PDGFRB: variants seen among roughly 807,000 people sequenced by gnomAD.
The protein encoded by PDGFRB is platelet-derived growth factor receptor beta.
A neutral mutation model predicts 120.2 loss-of-function variants in PDGFRB; 42 were observed. The observed-to-expected ratio is 0.35, with a 90% CI of 0.27 to 0.45. The LOEUF (loss-of-function observed/expected upper bound fraction) is 0.45. Ranked by LOEUF, PDGFRB falls within the 20% of genes least tolerant of loss-of-function variation. The probability of loss-of-function intolerance (pLI) is 1.00; values close to 1 mark genes in which losing one functional copy is unlikely to be tolerated. For missense variants in PDGFRB, 1,149 were observed against 1,476.3 expected (o/e 0.78, Z 3.63); for synonymous variants, 586 against 606.8 (o/e 0.97, Z 0.50).
Position 150,130,633 on chromosome 5 carries a change from T to A in PDGFRB, c.1273A>T (p.Ser425Cys). ...VPVRVLELSE[S>C]HPDSGEQTVR... Reference sequence around the variant, plus strand: ...GTCTGTTCCCCACTGTCAGGGTGGCTCTCACTTAGCTCCAGCACTCGGACA... The same window carrying A: ...GTCTGTTCCCCACTGTCAGGGTGGCACTCACTTAGCTCCAGCACTCGGACA... Residue 425 changes from serine (S) to cysteine (C), a missense_variant, in exon 9 of 23, where the codon AGC (serine) becomes TGC (cysteine). Ser to Cys is a moderately radical substitution (Grantham distance 112, BLOSUM62 -1). Transcript: ENST00000261799. 1 of 1,613,002 alleles carries A rather than the reference T, an allele frequency of 6.2e-7. No homozygotes were observed. Among genetic ancestry groups the A allele is most frequent in the South Asian group, 1.1e-5 (1 of 91,026 alleles).
At chr5:150,139,835 C>T (rs999258722) in intron 1 of PDGFRB, among the ~76,000 whole-genome samples, 1 of 152,112 alleles carries the variant, frequency 6.6e-6, no homozygotes, top group Non-Finnish European at 1.5e-5. Context: ...CAAAAATTAG[C>T]TGGACATGGT....
intron 22 of PDGFRB, 45 bp downstream of exon 22, chr5:150,117,570 ACAC>A: frequency 9.8e-7 from 1 of 1,024,514 alleles, no homozygotes; most frequent in South Asian, 1.3e-5. Flanking sequence ...ACACACACAC[ACAC>A]ACACACTGTG....
At chr5:150,144,415 A>G (rs1304018329) in intron 1 of PDGFRB, among the ~76,000 whole-genome samples, 1 of 151,904 alleles carries the variant, frequency 6.6e-6, no homozygotes, top group Admixed American at 6.5e-5. Context: ...CCAGGCCCTC[A>G]CACTCGTCAC....
chr5:150,127,848 A>AAAAC (rs1421443139), intron 10 of PDGFRB, among the ~76,000 whole-genome samples: 1 of 150,026 alleles, frequency 6.7e-6, no homozygotes, highest in East Asian at 2.0e-4. Context: ...AAAAAAAAAA[A>AAAAC]AAAAAAAAAA....
At chr5:150,151,861 C>CAAA (rs57873398) in intron 1 of PDGFRB, among the ~76,000 whole-genome samples, 2 of 74,384 alleles carry the variant, frequency 2.7e-5, no homozygotes, top group African/African-American at 4.1e-5. Context: ...GACTCCATCT[C>CAAA]AAAAAAAAAA....
intron 1 of PDGFRB, chr5:150,137,546 A>C (rs1489341096): frequency 6.3e-6 from 1 of 157,612 alleles, no homozygotes; most frequent in Non-Finnish European, 1.4e-5. Context: ...CCACAAGCAC[A>C]ACAGGAAATG....
chr5:150,124,787 T>C lies in PDGFRB; in HGVS notation c.1852A>G (p.Thr618Ala), dbSNP rs1378675204. Residue 618 changes from threonine to alanine, a missense_variant, in exon 13 of 23, where the codon ACG (threonine) becomes GCG (alanine). Physicochemically the swap from Thr to Ala is moderately conservative, Grantham distance 58 (BLOSUM62 0). This residue lies in a region of PDGFRB where 879 missense variants were observed against 1,108.6 expected (regional missense o/e 0.79). Coordinates refer to ENST00000261799, the MANE Select transcript of PDGFRB (RefSeq NM_002609.4). The part of the protein sequence containing the change: ...SGAFGQVVEA[T>A]AHGLSHSQAT... ...TGAGAATGGCTCAGGCCATGAGCCG[T>C]GGCCTCCACCACCTGCCCAAAGGCC... is the stretch of plus-strand genomic sequence containing the variant. The C allele has an allele frequency of 1.2e-6, 2 of 1,610,422 alleles. No individual in the cohort carries two copies. Among genetic ancestry groups the C allele is most frequent in the Non-Finnish European group, 1.7e-6 (2 of 1,177,776 alleles).
chr5:150,136,332 C>T (rs1019077027), intron 2 of PDGFRB, among the ~76,000 whole-genome samples: 6 of 152,288 alleles, frequency 3.9e-5, no homozygotes, highest in East Asian at 3.9e-4. Flanking sequence ...GCTTAGGTAG[C>T]TCAGAGGGGG....
rs2113883671 is a variant in PDGFRB at position 150,117,686 on chromosome 5, G to T, written c.3069C>A (p.Ile1023=). ...CCTCGGGTTTGGGGTCAGGCAGGGG[G>T]ATGATATAGTCGTTGTCACCCTCAT... is the stretch of plus-strand genomic sequence containing the variant. ...QPNEGDNDYI[I]PLPDPKPEVA... is the part of the protein sequence containing the mutation. The change falls in exon 22 of 23, where the codon ATC becomes ATA. Residue 1023 remains isoleucine (I), a synonymous_variant. Coordinates refer to ENST00000261799, the MANE Select transcript of PDGFRB (RefSeq NM_002609.4). The T allele has an allele frequency of 6.2e-7, 1 of 1,613,952 alleles. No homozygotes were observed. The highest frequency in any genetic ancestry group is 8.5e-7 in the Non-Finnish European group (1 of 1,179,868).
At position 150,125,473 on chromosome 5, in the gene PDGFRB, C is replaced by T. The variant is rs1231790209; in HGVS notation, c.1779G>A (p.Trp593Ter). 1 of 1,612,900 alleles carries T rather than the reference C, an allele frequency of 6.2e-7. No individual in the cohort carries two copies. The highest frequency in any genetic ancestry group is 2.2e-5 in the East Asian group (1 of 44,860). The change falls in exon 12 of 23, where the codon TGG (tryptophan) becomes TGA (stop). Residue 593 changes from tryptophan to a stop codon, truncating the protein, a stop_gained. Transcript: ENST00000261799. LOFTEE classifies it high-confidence loss of function. ...GCACAAGCTGGTCCCGCGGCAGCTCCCACGTGGAGTCATAGGGCAGCTGCA... is the reference window on the plus strand; with the variant it reads ...GCACAAGCTGGTCCCGCGGCAGCTCTCACGTGGAGTCATAGGGCAGCTGCA... ...DPMQLPYDST[W>*]ELPRDQLVLG... is the part of the protein sequence containing the mutation.
chr5:150,139,881 G>A (rs541274112), intron 1 of PDGFRB, among the ~76,000 whole-genome samples: 32 of 151,988 alleles, frequency 2.1e-4, no homozygotes, highest in Non-Finnish European at 3.7e-4. Context: ...TCAGGAGGCC[G>A]AGGCAGGAGA....
chr5:150,134,457 T>C (rs1168620142), intron 4 of PDGFRB, among the ~76,000 whole-genome samples: 2 of 152,184 alleles, frequency 1.3e-5, no homozygotes, highest in African/African-American at 4.8e-5. Context: ...AGACAGGAAA[T>C]AGCAAAGCTG....
intron 5 of PDGFRB, 34 bp downstream of exon 5, chr5:150,133,847 C>T (rs770760267): frequency 6.2e-7 from 1 of 1,613,598 alleles, no homozygotes; most frequent in Non-Finnish European, 8.5e-7. Flanking sequence ...CCGTTCCTGG[C>T]CCCTCCTCCG....
intron 1 of PDGFRB, among the ~76,000 whole-genome samples, chr5:150,148,672 T>G (rs984430521): frequency 1.3e-5 from 2 of 152,258 alleles, no homozygotes; most frequent in African/African-American, 4.8e-5. Flanking sequence ...GGAAATGGCA[T>G]GGGAGACCTC....
intron 9 of PDGFRB, among the ~76,000 whole-genome samples, chr5:150,130,179 T>C (rs890483056): frequency 6.6e-6 from 1 of 152,194 alleles, no homozygotes; most frequent in Admixed American, 6.5e-5. Context: ...TCCATTCTTA[T>C]TTGACCCACG....
intron 14 of PDGFRB, among the ~76,000 whole-genome samples, chr5:150,123,739 G>A (rs1004754769): frequency 2.6e-5 from 4 of 152,118 alleles, no homozygotes; most frequent in African/African-American, 9.7e-5. Context: ...ATTTTATTTT[G>A]GTTGCATAAT....
At chr5:150,124,399 G>C in intron 13 of PDGFRB, 39 bp from the exon 14 acceptor site, 1 of 1,450,218 alleles carries the variant, frequency 6.9e-7, no homozygotes, top group Non-Finnish European at 9.7e-7. Context: ...CCCAGTCATG[G>C]AGGCTCCATG....
rs529045105 is a variant in PDGFRB, at chr5:150,122,197, C to A, written c.2184-157G>T. On this transcript the variant is annotated intron_variant, in intron 15 of 22. Coordinates refer to ENST00000261799, the MANE Select transcript of PDGFRB (RefSeq NM_002609.4). ...AAGCCTGTGGATCAAGACTTTTCAA[C>A]CAACCTGCTGGGCCAAGCTGGGCAC... 5.7e-4 allele frequency: 353 copies of A among 621,176 alleles called. 1 individual carries two copies. The East Asian group carries it at 9.7e-3, about 17-fold the overall frequency. The allele number at this position is 621,176 out of a possible 1,614,324, so 38.5% of individuals were successfully genotyped here.
rs1274988198 is a variant in PDGFRB, at chr5:150,132,040, G to A, written c.1182C>T (p.Tyr394=). ...VRVKVAEAGH[Y]TMRAFHEDAE... is the part of the protein sequence containing the mutation. ...CATCCTCATGGAAGGCCCGCATGGT[G>A]TAGTGGCCAGCCTCTGCCACCTTCA... The change falls in exon 8 of 23, where the codon TAC becomes TAT. Residue 394 remains tyrosine, a synonymous_variant. Coordinates refer to ENST00000261799, the MANE Select transcript of PDGFRB (RefSeq NM_002609.4). This position sits in a 1 kb window ranked among gnomAD's most constrained non-coding sequence, Gnocchi z 5.0. The A allele has an allele frequency of 6.2e-7, 1 of 1,612,366 alleles. No individual in the cohort carries two copies. The highest frequency in any genetic ancestry group is 1.7e-5 in the Admixed American group (1 of 60,014).
Sources: allele counts gnomAD v4.1 joint callset (sites outside exome capture counted in the v4.1 genomes callset), GRCh38; gene constraint gnomAD v4.1.1; regional missense constraint gnomAD v4.1.1; non-coding constraint Gnocchi (gnomAD v3.1); transcripts MANE v1.5; gene names NCBI Gene and HGNC (gene_info 2026-07-23, HGNC 2026-07-21).